Variants in VGLL4 observed in about 807,000 individuals in gnomAD.
The protein encoded by VGLL4 is transcription cofactor vestigial-like protein 4.
A neutral mutation model predicts 21.0 loss-of-function variants in VGLL4; 7 were observed. The observed-to-expected ratio is 0.33, with a 90% CI of 0.19 to 0.63. The LOEUF (loss-of-function observed/expected upper bound fraction) is 0.63, where lower values mean the gene tolerates loss of function less well. VGLL4 is among the 20% of genes least tolerant of loss of function. The pLI is 0.78. For missense variants in VGLL4, 394 were observed against 425.7 expected, an observed-to-expected ratio of 0.93 and a Z score of 0.66; for synonymous variants, 222 against 173.2, an observed-to-expected ratio of 1.28 and a Z score of -2.21.
At chr3:11,617,591 G>T (rs1438927382) in intron 1 of VGLL4, among the ~76,000 whole-genome samples, 1 of 152,204 alleles carries the variant, frequency 6.6e-6, no homozygotes, top group African/African-American at 2.4e-5. Context: ...CACATTTTAA[G>T]GAAAGATCAG....
intron 2 of VGLL4, among the ~76,000 whole-genome samples, chr3:11,697,701 A>C (rs1396652458): frequency 6.6e-6 from 1 of 152,248 alleles, no homozygotes. Flanking sequence ...AATGTAGACT[A>C]CAGCCTAGAA....
intron 1 of VGLL4, among the ~76,000 whole-genome samples, chr3:11,630,796 A>T (rs1201023051): frequency 6.6e-6 from 1 of 152,250 alleles, no homozygotes; most frequent in African/African-American, 2.4e-5. Context: ...CGGCAATTCT[A>T]CTAAGTATTT....
At chr3:11,595,873 A>G (rs2074627939) in intron 2 of VGLL4, among the ~76,000 whole-genome samples, 1 of 151,360 alleles carries the variant, frequency 6.6e-6, no homozygotes, top group Admixed American at 6.6e-5. Flanking sequence ...TAGGAGATAT[A>G]CCTAATGCTA....
chr3:11,685,147 G>C (rs1457666888), intron 2 of VGLL4, among the ~76,000 whole-genome samples: 1 of 151,550 alleles, frequency 6.6e-6, no homozygotes, highest in African/African-American at 2.4e-5. Context: ...CTATGTTCCT[G>C]CAAAAGACAT....
At chr3:11,672,653 G>T (rs2076233715) in intron 2 of VGLL4, among the ~76,000 whole-genome samples, 1 of 152,168 alleles carries the variant, frequency 6.6e-6, no homozygotes, top group African/African-American at 2.4e-5. Flanking sequence ...CTTTCAAACA[G>T]CTTTCTCCAG....
At chr3:11,578,753 T>TTTC (rs2074134310) in intron 2 of VGLL4, among the ~76,000 whole-genome samples, 1 of 134,104 alleles carries the variant, frequency 7.5e-6, no homozygotes. Context: ...ATTTTCTTTT[T>TTTC]TTTTTTTTTT....
At chr3:11,671,016 GAC>G (rs2125367640) in intron 2 of VGLL4, among the ~76,000 whole-genome samples, 1 of 152,324 alleles carries the variant, frequency 6.6e-6, no homozygotes, top group Non-Finnish European at 1.5e-5. Flanking sequence ...CAGCCTGGAC[GAC>G]AGAGATTCCG....
chr3:11,605,398 T>A (rs1280822967), intron 1 of VGLL4, among the ~76,000 whole-genome samples: 1 of 149,840 alleles, frequency 6.7e-6, no homozygotes, highest in Non-Finnish European at 1.5e-5. Context: ...ACTGCAGACT[T>A]CTTCTGCATT....
intron 2 of VGLL4, among the ~76,000 whole-genome samples, chr3:11,663,775 G>C (rs886798713): frequency 6.6e-6 from 1 of 152,192 alleles, no homozygotes. Context: ...ACACTGAAGG[G>C]TTTGGACGGT....
At chr3:11,644,718 C>T (rs748982192), upstream of VGLL4, among the ~76,000 whole-genome samples, 58 of 151,728 alleles carry the variant, frequency 3.8e-4, no homozygotes, top group Admixed American at 5.9e-4. Flanking sequence ...TGGTAGCGCA[C>T]GCCTGTAGTC....
chr3:11,573,717 C>T (rs1325203323), intron 2 of VGLL4, among the ~76,000 whole-genome samples: 2 of 152,220 alleles, frequency 1.3e-5, no homozygotes, highest in African/African-American at 2.4e-5. Context: ...TCTTTTCATA[C>T]ACTTACTGAC....
intron 2 of VGLL4, among the ~76,000 whole-genome samples, chr3:11,598,902 C>G (rs2074711815): frequency 6.6e-6 from 1 of 152,126 alleles, no homozygotes; most frequent in Admixed American, 6.5e-5. Context: ...GAAGATAAAG[C>G]ACAAAAACCA....
At chr3:11,683,829 C>T (rs1390001166) in intron 2 of VGLL4, among the ~76,000 whole-genome samples, 2 of 151,760 alleles carry the variant, frequency 1.3e-5, no homozygotes, top group Non-Finnish European at 2.9e-5. Flanking sequence ...TCAACTCTTA[C>T]CTTTGATTAT....
intron 1 of VGLL4, 132 bp downstream of exon 1, chr3:11,643,305 A>C (rs2075731515): frequency 1.4e-6 from 2 of 1,418,530 alleles, no homozygotes; most frequent in South Asian, 2.6e-5. Flanking sequence ...ACCGAACCTA[A>C]GAAACGCCGG....
At chr3:11,670,194 GC>G (rs1336020919) in intron 2 of VGLL4, among the ~76,000 whole-genome samples, 3 of 129,630 alleles carry the variant, frequency 2.3e-5, no homozygotes, top group Middle Eastern at 4.3e-3. Flanking sequence ...CTTTTTCTAC[GC>G]CCCTCCCACA....
chr3:11,600,733 A>C (rs920238606), intron 2 of VGLL4, among the ~76,000 whole-genome samples: 1 of 152,162 alleles, frequency 6.6e-6, no homozygotes, highest in Non-Finnish European at 1.5e-5. Flanking sequence ...CTCTCTGCGG[A>C]AACTCTGCCT....
intron 1 of VGLL4, among the ~76,000 whole-genome samples, chr3:11,626,177 A>T (rs953746275): frequency 6.6e-6 from 1 of 152,224 alleles, no homozygotes; most frequent in Non-Finnish European, 1.5e-5. Flanking sequence ...AAGAATCTCA[A>T]TGAGCCCTGG....
rs1387946619 is a variant in VGLL4, at chr3:11,605,096, CG to C, written c.83-3075del. ...GCTCTGTGAATTCCATCTTCCAAAG[CG>C]CCCCCACGCCCACCCCCCACCCCCA... On this transcript the variant is annotated intron_variant, in intron 1 of 4. Transcript: ENST00000430365. Among the ~76,000 whole-genome samples, 18 of 31,336 alleles carry C rather than the reference CG, an allele frequency of 5.7e-4. 1 individual carries two copies. The highest frequency in any genetic ancestry group is 2.3e-3 in the African/African-American group (18 of 7,672). 20.6% of individuals were successfully genotyped at this position (31,336 alleles called of 152,430 possible). A position where few individuals can be genotyped will look rare whatever the true frequency, so the allele number is the denominator to read the frequency against.
At chr3:11,582,232 T>C in intron 2 of VGLL4, 1 of 1,585,664 alleles carries the variant, frequency 6.3e-7, no homozygotes, top group Non-Finnish European at 8.6e-7. Context: ...GGTTGCCATC[T>C]GGTTTGAAAA....
Sources: gnomAD v4.1 joint callset for allele counts (sites outside exome capture counted in the v4.1 genomes callset) on GRCh38, gnomAD v4.1.1 for gene constraint, MANE v1.5 for transcripts, NCBI Gene and HGNC (gene_info 2026-07-23, HGNC 2026-07-21) for gene names.